The following MINDY3 variants were observed in gnomAD, a reference collection of about 807,000 sequenced individuals.
MINDY3 encodes the protein ubiquitin carboxyl-terminal hydrolase MINDY-3.
In MINDY3, 38 loss-of-function variants were observed where a neutral mutation model predicts 69.2. The ratio of observed to expected loss-of-function variants is 0.55; its 90% CI spans 0.42 to 0.72. The LOEUF (loss-of-function observed/expected upper bound fraction) is 0.72, where lower values mean the gene tolerates loss of function less well. MINDY3 is among the 30% of genes least tolerant of loss of function. The pLI, the probability that MINDY3 is intolerant of heterozygous loss-of-function variation, is 0.00. For missense variants in MINDY3, 522 were observed against 519.0 expected (o/e 1.01, Z -0.06); for synonymous variants, 192 against 180.1 (o/e 1.07, Z -0.53).
chr10:15,823,320 A>T (rs1839893390), intron 8 of MINDY3, among the ~76,000 whole-genome samples: 1 of 152,170 alleles, frequency 6.6e-6, no homozygotes, highest in South Asian at 2.1e-4. Flanking sequence ...ACGTGAGATC[A>T]ACATGATTTT....
chr10:15,830,322 A>G (rs1840371406), intron 8 of MINDY3, among the ~76,000 whole-genome samples: 1 of 152,162 alleles, frequency 6.6e-6, no homozygotes, highest in African/African-American at 2.4e-5. Flanking sequence ...GACTTGATGA[A>G]TATCTCTTTT....
At chr10:15,818,175 A>G (rs779902398) in intron 9 of MINDY3, among the ~76,000 whole-genome samples, 3 of 152,192 alleles carry the variant, frequency 2.0e-5, no homozygotes, top group Non-Finnish European at 2.9e-5. Flanking sequence ...TAAATAGTAC[A>G]GAGCTAGAAT....
intron 10 of MINDY3, among the ~76,000 whole-genome samples, chr10:15,812,925 G>A (rs1241926763): frequency 6.6e-6 from 1 of 152,112 alleles, no homozygotes; most frequent in Non-Finnish European, 1.5e-5. Context: ...TTCTACCTCA[G>A]GAGTAAATCT....
At chr10:15,835,516 G>A (rs1225745992) in intron 6 of MINDY3, among the ~76,000 whole-genome samples, 2 of 152,102 alleles carry the variant, frequency 1.3e-5, no homozygotes, top group African/African-American at 4.8e-5. Flanking sequence ...ATAATGTCAA[G>A]ATGAATACTA....
At chr10:15,785,602 A>G (rs1160613301) in intron 13 of MINDY3, among the ~76,000 whole-genome samples, 1 of 152,192 alleles carries the variant, frequency 6.6e-6, no homozygotes, top group African/African-American at 2.4e-5. Context: ...ATGTCGGACA[A>G]TAAAATCTAA....
At chr10:15,857,503 T>C (rs1834772038) in intron 1 of MINDY3, among the ~76,000 whole-genome samples, 1 of 152,156 alleles carries the variant, frequency 6.6e-6, no homozygotes, top group Non-Finnish European at 1.5e-5. Flanking sequence ...GGAGGATAAA[T>C]AGTGTTAATG....
chr10:15,782,075 G>T, intron 14 of MINDY3, 80 bp downstream of exon 14: 1 of 993,208 alleles, frequency 1.0e-6, no homozygotes, highest in South Asian at 1.4e-5. Context: ...GCAATTGTAC[G>T]GGAATCGAAC....
Position 15,828,952 on chromosome 10 carries a change from A to G in MINDY3, c.730+4678T>C, listed in dbSNP as rs530391504. Among the ~76,000 whole-genome samples the G allele has an allele frequency of 3.9e-5, 6 of 152,314 alleles. No individual in the cohort carries two copies. In the East Asian group the frequency reaches 1.2e-3, roughly 29 times the overall value. Reference sequence around the variant, plus strand: ...TCTCTAGGCTTCAGTTTCCTTCTTCATAACATATGGAGTAATACTTGCCTT... The same window carrying G: ...TCTCTAGGCTTCAGTTTCCTTCTTCGTAACATATGGAGTAATACTTGCCTT... On this transcript the variant is annotated intron_variant, in intron 8 of 14. Transcript: ENST00000277632.
intron 11 of MINDY3, among the ~76,000 whole-genome samples, chr10:15,791,706 A>G (rs572338502): frequency 6.6e-6 from 1 of 152,240 alleles, no homozygotes; most frequent in East Asian, 1.9e-4. Flanking sequence ...TCAAGTCCTT[A>G]GAGATTGTGG....
At chr10:15,800,251 C>T (rs372265769) in intron 10 of MINDY3, among the ~76,000 whole-genome samples, 1 of 152,010 alleles carries the variant, frequency 6.6e-6, no homozygotes, top group African/African-American at 2.4e-5. Context: ...TGAAATGCCA[C>T]AAATCTATTA....
intron 10 of MINDY3, among the ~76,000 whole-genome samples, chr10:15,808,139 G>C (rs1165309030): frequency 6.6e-6 from 1 of 152,164 alleles, no homozygotes; most frequent in African/African-American, 2.4e-5. Flanking sequence ...AAGTAGTTCA[G>C]ATAAGAGATT....
chr10:15,815,586 C>G (rs1839297835), intron 10 of MINDY3, among the ~76,000 whole-genome samples: 2 of 152,170 alleles, frequency 1.3e-5, no homozygotes, highest in Admixed American at 6.6e-5. Context: ...AATTCTGTAT[C>G]TTCCTACGAA....
intron 10 of MINDY3, among the ~76,000 whole-genome samples, chr10:15,798,920 C>T (rs1838049625): frequency 2.0e-5 from 3 of 152,036 alleles, no homozygotes; most frequent in Admixed American, 2.0e-4. Flanking sequence ...ATAGAAAGAG[C>T]ATTTGGAACT....
intron 10 of MINDY3, among the ~76,000 whole-genome samples, chr10:15,806,197 A>AT (rs1838627543): frequency 6.6e-6 from 1 of 152,090 alleles, no homozygotes; most frequent in Non-Finnish European, 1.5e-5. Flanking sequence ...CTTGTGCCAC[A>AT]TGTACTCTAT....
chr10:15,848,601 T>C (rs1210993081), intron 1 of MINDY3, among the ~76,000 whole-genome samples: 1 of 111,854 alleles, frequency 8.9e-6, no homozygotes, highest in Non-Finnish European at 1.6e-5. Context: ...GCCACTGCAC[T>C]CCAGCTTGGG....
intron 6 of MINDY3, among the ~76,000 whole-genome samples, chr10:15,835,345 T>C (rs1833003630): frequency 6.6e-6 from 1 of 152,120 alleles, no homozygotes; most frequent in Non-Finnish European, 1.5e-5. Flanking sequence ...CACTTAACTT[T>C]AGCCATTGTT....
intron 14 of MINDY3, among the ~76,000 whole-genome samples, chr10:15,780,118 T>C (rs998034412): frequency 2.6e-5 from 4 of 152,196 alleles, no homozygotes; most frequent in Admixed American, 6.5e-5. Context: ...GTAATTATGT[T>C]CTTCCAAAAT....
chr10:15,829,961 C>T (rs1840345583), intron 8 of MINDY3, among the ~76,000 whole-genome samples: 1 of 152,152 alleles, frequency 6.6e-6, no homozygotes, highest in Non-Finnish European at 1.5e-5. Flanking sequence ...CTGCTTGTTC[C>T]ACCATGGCAC....
intron 3 of MINDY3, among the ~76,000 whole-genome samples, chr10:15,842,593 T>A (rs1002899714): frequency 1.6e-4 from 24 of 151,840 alleles, no homozygotes; most frequent in African/African-American, 5.8e-4. Context: ...AGCTGTTACA[T>A]CCTTAGATAC....
Sources: allele counts gnomAD v4.1 joint callset (sites outside exome capture counted in the v4.1 genomes callset), GRCh38; gene constraint gnomAD v4.1.1; transcripts MANE v1.5; gene names NCBI Gene and HGNC (gene_info 2026-07-23, HGNC 2026-07-21).